Variants in TSPEAR observed in about 807,000 individuals in gnomAD.
TSPEAR encodes the protein thrombospondin type laminin G domain and EAR repeats, also known as thrombospondin-type laminin G domain and EAR repeat-containing protein.
TSPEAR carries 69 observed loss-of-function variants against 71.6 expected under a neutral mutation model. The observed-to-expected ratio is 0.96, with a 90% CI of 0.79 to 1.18. The LOEUF (loss-of-function observed/expected upper bound fraction) is 1.18, where lower values mean the gene tolerates loss of function less well. Among genes scored for constraint, TSPEAR ranks in the 50% most tolerant of loss-of-function variants. TSPEAR has a pLI of 0.00. For missense variants in TSPEAR, 971 were observed against 894.9 expected, an observed-to-expected ratio of 1.09 and a Z score of -1.09; for synonymous variants, 402 against 387.2, an observed-to-expected ratio of 1.04 and a Z score of -0.45.
intron 2 of TSPEAR, chr21:44,550,908 A>G: frequency 6.8e-7 from 1 of 1,470,138 alleles, no homozygotes. Flanking sequence ...GCAGACGGAC[A>G]CACAGCAGGA....
At chr21:44,635,620 CATAGAGACAAGCAGAATAGT>C (rs1236941355) in intron 1 of TSPEAR, among the ~76,000 whole-genome samples, 5 of 152,028 alleles carry the variant, frequency 3.3e-5, no homozygotes, top group Admixed American at 6.6e-5. Context: ...CAGGCAAATC[CATAGAGACAAGCAGAATAGT>C]ATTGGTTGCC....
intron 1 of TSPEAR, among the ~76,000 whole-genome samples, chr21:44,656,592 CT>C (rs1985161094): frequency 6.6e-6 from 1 of 152,122 alleles, no homozygotes; most frequent in African/African-American, 2.4e-5. Flanking sequence ...TTTTTTTCCA[CT>C]GTCTTCAATA....
intron 2 of TSPEAR, among the ~76,000 whole-genome samples, chr21:44,549,331 G>C (rs1444346390): frequency 1.3e-5 from 2 of 152,198 alleles, no homozygotes; most frequent in African/African-American, 4.8e-5. Context: ...TGATCAGGCT[G>C]TTTGAAGAGA....
At chr21:44,693,402 A>G (rs782765022) in intron 1 of TSPEAR, among the ~76,000 whole-genome samples, 10 of 152,210 alleles carry the variant, frequency 6.6e-5, no homozygotes, top group Non-Finnish European at 1.3e-4. Flanking sequence ...GAACACTGTC[A>G]AGAAAGTGAA....
Position 44,642,452 on chromosome 21 carries a change from T to G in TSPEAR, c.82+68981A>C, listed in dbSNP as rs1228887412. On this transcript the variant is annotated intron_variant, in intron 1 of 11. Coordinates refer to ENST00000323084, the MANE Select transcript of TSPEAR (RefSeq NM_144991.3). This position sits in a 1 kb window ranked among gnomAD's most constrained non-coding sequence, Gnocchi z 4.1. Reference sequence around the variant, plus strand: ...GATAGGACTGTAGACCAACATCATTTAAAAAAATAATGTAAGAGATTGTAT... The same window carrying G: ...GATAGGACTGTAGACCAACATCATTGAAAAAAATAATGTAAGAGATTGTAT... 6.6e-6 allele frequency among the ~76,000 whole-genome samples: 1 copy of G among 152,090 alleles called. No homozygotes were observed. Among genetic ancestry groups the G allele is most frequent in the African/African-American group, 2.4e-5 (1 of 41,404 alleles).
Position 44,623,538 on chromosome 21 carries a change from G to A in TSPEAR, c.83-55533C>T, listed in dbSNP as rs76137079. Among the ~76,000 whole-genome samples, 1,075 of 151,860 alleles carry A rather than the reference G, an allele frequency of 7.1e-3. 6 individuals carry two copies. Among genetic ancestry groups the A allele is most frequent in the African/African-American group, 0.025 (1,019 of 41,400 alleles). On this transcript the variant is annotated intron_variant, in intron 1 of 11. Coordinates refer to ENST00000323084, the MANE Select transcript of TSPEAR (RefSeq NM_144991.3). The surrounding 1 kb of genome is among the most constrained non-coding windows in gnomAD (Gnocchi z 4.5). ...TTTTGTTACACTTCATTTCCTTTTC[G>A]ACTTCTTGCTTCCATCTGTGATCAT... is the stretch of plus-strand genomic sequence containing the variant.
chr21:44,561,472 A>T (rs1386060225), intron 2 of TSPEAR, among the ~76,000 whole-genome samples: 2 of 152,208 alleles, frequency 1.3e-5, no homozygotes, highest in African/African-American at 4.8e-5. Flanking sequence ...CTCCTCCCTA[A>T]CTGATTTTAT....
chr21:44,594,415 A>C (rs1334904595), intron 1 of TSPEAR, among the ~76,000 whole-genome samples: 2 of 152,156 alleles, frequency 1.3e-5, no homozygotes, highest in African/African-American at 4.8e-5. Context: ...ACACTAGGGG[A>C]TAAATTGCTT....
intron 2 of TSPEAR, among the ~76,000 whole-genome samples, chr21:44,553,887 T>C (rs2053485555): frequency 6.6e-6 from 1 of 152,228 alleles, no homozygotes; most frequent in Non-Finnish European, 1.5e-5. Flanking sequence ...TCCAGGGCAA[T>C]CTTTGGTGGA....
intron 1 of TSPEAR, among the ~76,000 whole-genome samples, chr21:44,573,388 C>A (rs1343749416): frequency 1.8e-4 from 28 of 152,060 alleles, no homozygotes; most frequent in Admixed American, 1.8e-3. Flanking sequence ...CCGCAGGCAC[C>A]CACTCCCCAT....
At chr21:44,696,470 C>T (rs577628610) in intron 1 of TSPEAR, among the ~76,000 whole-genome samples, 6 of 152,280 alleles carry the variant, frequency 3.9e-5, no homozygotes, top group Admixed American at 1.3e-4. Context: ...TAATAACAGC[C>T]CCTACTTTAC....
At position 44,533,817 on chromosome 21, in the gene TSPEAR, G is replaced by T; in HGVS notation, c.410C>A (p.Thr137Lys). ...CACTCGGGTCTGCCAGGCGCCGGCCGTGTCCTCGCGAAGGAACAGGAAGTG... is the reference window on the plus strand; with the variant it reads ...CACTCGGGTCTGCCAGGCGCCGGCCTTGTCCTCGCGAAGGAACAGGAAGTG... Reference protein sequence around the residue: ...QLHFLFLREDTAGAWQTRVSF... With the variant: ...QLHFLFLREDKAGAWQTRVSF... The change falls in exon 3 of 12, where the codon ACG becomes AAG. Residue 137 changes from threonine (T) to lysine (K), a missense_variant. Transcript: ENST00000323084. 1 of 1,612,560 alleles carries T rather than the reference G, an allele frequency of 6.2e-7. No individual in the cohort carries two copies. The highest frequency in any genetic ancestry group is 2.2e-5 in the East Asian group (1 of 44,824).
chr21:44,645,981 T>TA lies in TSPEAR; in HGVS notation c.82+65451dup, dbSNP rs587637291. 1.3e-3 allele frequency among the ~76,000 whole-genome samples: 191 copies of TA among 150,560 alleles called. 1 individual carries two copies. Among genetic ancestry groups the TA allele is most frequent in the African/African-American group, 4.5e-3 (184 of 41,074 alleles). The stretch of plus-strand genomic sequence containing the variant: ...GGTGAAACCCCGTCTCTACTAAAAA[T>TA]ACAAAAATTACAGCGTGCCTGTAAT... On this transcript the variant is annotated intron_variant, in intron 1 of 11. Transcript: ENST00000323084.
intron 1 of TSPEAR, among the ~76,000 whole-genome samples, chr21:44,685,650 C>T (rs1986822481): frequency 6.6e-6 from 1 of 152,202 alleles, no homozygotes; most frequent in Admixed American, 6.5e-5. Flanking sequence ...TCTGCAGACG[C>T]CAACGTGGCT....
chr21:44,625,387 G>C (rs1331207173), intron 1 of TSPEAR, among the ~76,000 whole-genome samples: 1 of 152,328 alleles, frequency 6.6e-6, no homozygotes, highest in South Asian at 2.1e-4. Context: ...GAGCCCAGGA[G>C]TTCAAGACCA....
intron 11 of TSPEAR, among the ~76,000 whole-genome samples, chr21:44,503,114 G>A (rs1288180016): frequency 2.1e-5 from 3 of 144,504 alleles, no homozygotes; most frequent in Non-Finnish European, 4.5e-5. Context: ...GGCCGGCCTC[G>A]GTGAGTCCTC....
At chr21:44,646,844 AG>A (rs782270262) in intron 1 of TSPEAR, 2 of 1,575,084 alleles carry the variant, frequency 1.3e-6, no homozygotes, top group Non-Finnish European at 1.7e-6. Context: ...TGCTGCCGGC[AG>A]TCTAGCTGCC....
chr21:44,571,042 GA>G (rs1433090496), intron 1 of TSPEAR, among the ~76,000 whole-genome samples: 1 of 152,092 alleles, frequency 6.6e-6, no homozygotes, highest in Non-Finnish European at 1.5e-5. Context: ...CTTTAAAGAA[GA>G]AAAAATGTCA....
rs141362755 is a variant in TSPEAR at position 44,568,728 on chromosome 21, C to CT, written c.83-724dup. 8.9e-3 allele frequency among the ~76,000 whole-genome samples: 1,362 copies of CT among 152,270 alleles called. 18 individuals are homozygous for CT. The highest frequency in any genetic ancestry group is 0.031 in the African/African-American group (1,288 of 41,552). On this transcript the variant is annotated intron_variant, in intron 1 of 11. Coordinates refer to ENST00000323084, the MANE Select transcript of TSPEAR (RefSeq NM_144991.3). ...TGGGAGCAGAGCCTGAGACTGATGC[C>CT]TGGACCCTCCTCAGCTCGGCCACTG...
Sources: gnomAD v4.1 joint callset for allele counts (sites outside exome capture counted in the v4.1 genomes callset) on GRCh38, gnomAD v4.1.1 for gene constraint, Gnocchi (gnomAD v3.1) non-coding constraint, MANE v1.5 for transcripts, NCBI Gene and HGNC (gene_info 2026-07-23, HGNC 2026-07-21) for gene names.